Variants in CCSER1 observed in about 807,000 individuals in gnomAD.
CCSER1 encodes the protein coiled-coil serine rich protein 1.
In CCSER1, 41 loss-of-function variants were observed where a neutral mutation model predicts 82.0. The ratio of observed to expected loss-of-function variants is 0.50; its 90% CI spans 0.39 to 0.65. The LOEUF is 0.65. Ranked by LOEUF, CCSER1 falls within the 30% of genes least tolerant of loss-of-function variation. The pLI is 0.00. For missense variants in CCSER1, 1,119 were observed against 1,064.2 expected (o/e 1.05, Z -0.72); for synonymous variants, 414 against 383.9 (o/e 1.08, Z -0.92).
In CCSER1 at chr4:90,932,980, A is replaced by AGAGAGAG. The variant is rs1561385048; in HGVS notation, c.2172+9533_2172+9534insGAGAGAG. ...AAAGAAAGAAAGAAAGAAAGAAAGA[A>AGAGAGAG]AGAGAAAGAAAGAAAGAAAGAAAGA... On this transcript the variant is annotated intron_variant, in intron 9 of 10. Coordinates refer to ENST00000509176, the MANE Select transcript of CCSER1 (RefSeq NM_001145065.2). 1.0e-3 allele frequency among the ~76,000 whole-genome samples: 23 copies of AGAGAGAG among 21,978 alleles called. 7 individuals carry two copies. Among genetic ancestry groups the AGAGAGAG allele is most frequent in the African/African-American group, 3.2e-3 (12 of 3,718 alleles). 14.4% of individuals were successfully genotyped at this position (21,978 alleles called of 152,430 possible).
intron 9 of CCSER1, among the ~76,000 whole-genome samples, chr4:91,030,749 A>G: frequency 6.6e-6 from 1 of 151,970 alleles, no homozygotes; most frequent in East Asian, 1.9e-4. Context: ...TTAAAAAAAA[A>G]GAACCAAATG....
intron 6 of CCSER1, among the ~76,000 whole-genome samples, chr4:90,702,083 C>T (rs995455906): frequency 3.3e-5 from 5 of 152,046 alleles, no homozygotes; most frequent in Non-Finnish European, 7.4e-5. Context: ...CAGTTTTTGC[C>T]CATTCAGTAT....
chr4:90,576,724 A>G (rs949487980), intron 5 of CCSER1, among the ~76,000 whole-genome samples: 3 of 152,166 alleles, frequency 2.0e-5, no homozygotes, highest in African/African-American at 7.2e-5. Flanking sequence ...ACTGAATACA[A>G]TTTTATTGTC....
At chr4:90,528,584 A>G (rs763733481) in intron 5 of CCSER1, among the ~76,000 whole-genome samples, 24 of 152,164 alleles carry the variant, frequency 1.6e-4, no homozygotes, top group Non-Finnish European at 4.4e-5. Context: ...ACTCCAACCA[A>G]ACTTTAAAGA....
chr4:90,476,229 G>A (rs900934257), intron 5 of CCSER1, among the ~76,000 whole-genome samples: 3 of 152,072 alleles, frequency 2.0e-5, no homozygotes, highest in South Asian at 4.1e-4. Flanking sequence ...CAGCTGCTCC[G>A]CCTTACATAA....
chr4:90,262,011 T>A (rs537808595), intron 1 of CCSER1, among the ~76,000 whole-genome samples: 54 of 150,550 alleles, frequency 3.6e-4, no homozygotes, highest in African/African-American at 7.8e-4. Context: ...GAATTTTTTT[T>A]AAATTTATTT....
intron 1 of CCSER1, among the ~76,000 whole-genome samples, chr4:90,253,512 A>G (rs1459334471): frequency 6.6e-6 from 1 of 152,118 alleles, no homozygotes; most frequent in Non-Finnish European, 1.5e-5. Flanking sequence ...ATGTGATCCC[A>G]CTGCCTTATA....
At chr4:91,176,401 A>C (rs1458330620) in intron 10 of CCSER1, among the ~76,000 whole-genome samples, 1 of 152,216 alleles carries the variant, frequency 6.6e-6, no homozygotes, top group Admixed American at 6.5e-5. Flanking sequence ...TTTAATCTAT[A>C]AATTACCTTG....
intron 10 of CCSER1, among the ~76,000 whole-genome samples, chr4:91,507,911 G>A (rs2110108050): frequency 1.3e-5 from 2 of 150,560 alleles, no homozygotes; most frequent in South Asian, 4.2e-4. Context: ...AATTAATTTT[G>A]TATATTCATC....
At chr4:91,086,652 T>C (rs1266283692) in intron 10 of CCSER1, among the ~76,000 whole-genome samples, 2 of 152,082 alleles carry the variant, frequency 1.3e-5, no homozygotes, top group Non-Finnish European at 2.9e-5. Context: ...ATGATACTTA[T>C]ATTGCAATTT....
At chr4:90,626,707 T>A (rs1349074421) in intron 5 of CCSER1, among the ~76,000 whole-genome samples, 1 of 152,130 alleles carries the variant, frequency 6.6e-6, no homozygotes, top group African/African-American at 2.4e-5. Context: ...AGCAAGTTAC[T>A]TAACCTCTCT....
Position 90,885,184 on chromosome 4 carries a change from C to G in CCSER1, c.2095-38186C>G, listed in dbSNP as rs1721939043. Among the ~76,000 whole-genome samples, 8 of 152,196 alleles carry G rather than the reference C, an allele frequency of 5.3e-5. No homozygotes were observed. The South Asian group carries it at 1.4e-3, about 28-fold the overall frequency. The stretch of plus-strand genomic sequence containing the variant: ...AATAACCATGAGACTCCTTCACAAA[C>G]TGCAGTGCATTTATATATTTCAAAG... On this transcript the variant is annotated intron_variant, in intron 8 of 10. Coordinates refer to ENST00000509176, the MANE Select transcript of CCSER1 (RefSeq NM_001145065.2).
intron 3 of CCSER1, among the ~76,000 whole-genome samples, chr4:90,322,174 C>T (rs1287837810): frequency 1.3e-5 from 2 of 152,026 alleles, no homozygotes; most frequent in African/African-American, 2.4e-5. Context: ...AAGAGATAGG[C>T]GTGTAGGTTC....
At chr4:90,618,272 G>A (rs913958197) in intron 5 of CCSER1, among the ~76,000 whole-genome samples, 7 of 151,820 alleles carry the variant, frequency 4.6e-5, no homozygotes, top group African/African-American at 1.5e-4. Flanking sequence ...ATACTTTTAG[G>A]TATTACCTTT....
chr4:91,199,393 C>G (rs781471219), intron 10 of CCSER1, among the ~76,000 whole-genome samples: 17 of 152,216 alleles, frequency 1.1e-4, no homozygotes, highest in Non-Finnish European at 2.2e-4. Flanking sequence ...AAAAGTGAAT[C>G]TAATGTAGAT....
intron 1 of CCSER1, among the ~76,000 whole-genome samples, chr4:90,248,472 T>C (rs1354121707): frequency 6.6e-6 from 1 of 152,136 alleles, no homozygotes; most frequent in Middle Eastern, 3.2e-3. Context: ...ACACATTTTG[T>C]CAGTAATGTA....
intron 7 of CCSER1, among the ~76,000 whole-genome samples, chr4:90,756,922 G>A (rs953832469): frequency 6.6e-6 from 1 of 152,134 alleles, no homozygotes; most frequent in Admixed American, 6.5e-5. Context: ...GGAGGCTTAT[G>A]TGTACTTTAT....
Position 90,365,712 on chromosome 4 carries a change from T to C in CCSER1, c.1510-34324T>C, listed in dbSNP as rs1251139541. Reference sequence around the variant, plus strand: ...AAATATATAAGCAACTGTTGAACTGTGAATAAAGTCTGAGTGAGTTAAGAG... The same window carrying C: ...AAATATATAAGCAACTGTTGAACTGCGAATAAAGTCTGAGTGAGTTAAGAG... On this transcript the variant is annotated intron_variant, in intron 3 of 10. Transcript: ENST00000509176. Among the ~76,000 whole-genome samples, 27 of 151,888 alleles carry C rather than the reference T, an allele frequency of 1.8e-4. 1 individual carries two copies. Among genetic ancestry groups the C allele is most frequent in the Admixed American group, 1.8e-3 (27 of 15,248 alleles).
intron 8 of CCSER1, among the ~76,000 whole-genome samples, chr4:90,850,106 G>A (rs1763686541): frequency 6.6e-6 from 1 of 152,186 alleles, no homozygotes; most frequent in African/African-American, 2.4e-5. Flanking sequence ...GCTTCAGAGG[G>A]TTCAAGCCCC....
Sources: gnomAD v4.1 joint callset for allele counts (sites outside exome capture counted in the v4.1 genomes callset) on GRCh38, gnomAD v4.1.1 for gene constraint, MANE v1.5 for transcripts, NCBI Gene and HGNC (gene_info 2026-07-23, HGNC 2026-07-21) for gene names.